PASK: variants seen among roughly 807,000 people sequenced by gnomAD.
PASK encodes the protein PAS domain containing serine/threonine kinase.
Under a neutral mutation model 121.0 loss-of-function variants are expected in PASK, and 110 were observed. That is an observed-to-expected ratio of 0.91 (90% CI 0.78 to 1.06). The LOEUF (loss-of-function observed/expected upper bound fraction) is 1.06, where lower values mean the gene tolerates loss of function less well. Among genes scored for constraint, PASK ranks in the 50% least tolerant of loss-of-function variants. PASK has a pLI of 0.00. For synonymous variants in PASK, 686 were observed against 717.8 expected (o/e 0.96, Z 0.71); for missense variants, 1,643 against 1,702.3 (o/e 0.97, Z 0.61).
chr2:241,122,879 C>A lies in PASK; in HGVS notation c.2925G>T (p.Trp975Cys), dbSNP rs370212818. ...SLVEVLRARP[W>C]FEEPPKAVEL... ...CCACAGCCTTGGGGGGCTCCTCAAA[C>A]CAGGGTCTGGCTCTGAGCACCTGCA... Residue 975 changes from tryptophan (W) to cysteine (C), a missense_variant, in exon 12 of 18, where the codon TGG becomes TGT. Trp to Cys is a radical substitution (Grantham distance 215). Transcript: ENST00000234040. 2 of 1,614,098 alleles carry A rather than the reference C, an allele frequency of 1.2e-6. No individual in the cohort carries two copies. The highest frequency in any genetic ancestry group is 1.7e-5 in the Admixed American group (1 of 60,034).
chr2:241,146,031 T>C (rs563747444), intron 1 of PASK, among the ~76,000 whole-genome samples: 1 of 152,276 alleles, frequency 6.6e-6, no homozygotes, highest in South Asian at 2.1e-4. Context: ...GAGAAGATAT[T>C]TGCCACATAC....
At chr2:241,139,708 C>A in intron 4 of PASK, 177 bp downstream of exon 4, 2 of 719,044 alleles carry the variant, frequency 2.8e-6, no homozygotes, top group Non-Finnish European at 2.6e-6. Flanking sequence ...GGCCCCCACC[C>A]CCACTGCAGC....
upstream of PASK, chr2:241,150,311 G>A (rs967760694): frequency 6.7e-6 from 9 of 1,335,390 alleles, no homozygotes; most frequent in Non-Finnish European, 8.6e-6. Flanking sequence ...CCTGCTCTGG[G>A]GGAGGCGCGG....
At position 241,140,567 on chromosome 2, in the gene PASK, C is replaced by T. The variant is rs2066655593; in HGVS notation, c.383G>A (p.Cys128Tyr). The T allele has an allele frequency of 1.2e-6, 2 of 1,613,960 alleles. No homozygotes were observed. The highest frequency in any genetic ancestry group is 2.2e-5 in the East Asian group (1 of 44,894). The change falls in exon 3 of 18, where the codon TGC becomes TAC. Residue 128 changes from cysteine to tyrosine, a missense_variant. Cys to Tyr is a radical substitution (Grantham distance 194). This residue lies in a region of PASK where 1,176 missense variants were observed against 1,162.2 expected (regional missense o/e 1.01). Coordinates refer to ENST00000234040, the MANE Select transcript of PASK (RefSeq NM_015148.4). ...CGTGAAGATGGCCTTGTTAGGGTTGCACACAGGGGCCGGAAGCAGAGGTGA... is the reference window on the plus strand; with the variant it reads ...CGTGAAGATGGCCTTGTTAGGGTTGTACACAGGGGCCGGAAGCAGAGGTGA... ...WSSPLLPAPV[C>Y]NPNKAIFTVD... is the part of the protein sequence containing the mutation.
chr2:241,124,001 G>A lies in PASK; in HGVS notation c.2852C>T (p.Pro951Leu), dbSNP rs759771883. 3 of 1,613,860 alleles carry A rather than the reference G, an allele frequency of 1.9e-6. No homozygotes were observed. Among genetic ancestry groups the A allele is most frequent in the Non-Finnish European group, 2.5e-6 (3 of 1,180,026 alleles). The change falls in exon 11 of 18, where the codon CCC becomes CTC. Residue 951 changes from proline (P) to leucine (L), a missense_variant. By Grantham distance (98) the Pro-to-Leu change is moderately conservative (BLOSUM62 -3). Coordinates refer to ENST00000234040, the MANE Select transcript of PASK (RefSeq NM_015148.4). Reference sequence around the variant, plus strand: ...AGCAGCGGTAGAGTGGGTGGAGCCGGGCAGGCTGGCAAGGAACAGGCGGGT... The same window carrying A: ...AGCAGCGGTAGAGTGGGTGGAGCCGAGCAGGCTGGCAAGGAACAGGCGGGT... The part of the protein sequence containing the change: ...ARTRLFLASL[P>L]GSTHSTAAEL...
rs1312763356 is a variant in PASK at position 241,122,749 on chromosome 2, T to G, written c.3055A>C (p.Lys1019Gln). 3.1e-6 allele frequency: 5 copies of G among 1,614,008 alleles called. No homozygotes were observed. Among genetic ancestry groups the G allele is most frequent in the African/African-American group, 2.7e-5 (2 of 74,910 alleles). ...CAGGTTACCTCCTTGTTTTTTTCCT[T>G]GTCCACAGCAGTCCACACGAAGCCG... Reference protein sequence around the residue: ...AFGFVWTAVDKEKNKEVVVKF... With the variant: ...AFGFVWTAVDQEKNKEVVVKF... Residue 1019 changes from lysine to glutamine, a missense_variant, in exon 12 of 18, where the codon AAG (lysine) becomes CAG (glutamine). Lys to Gln is a moderately conservative substitution (Grantham distance 53). Coordinates refer to ENST00000234040, the MANE Select transcript of PASK (RefSeq NM_015148.4).
rs564275122 is a variant in PASK, at chr2:241,126,433, C to G, written c.2482G>C (p.Val828Leu). 6.2e-7 allele frequency: 1 copy of G among 1,614,266 alleles called. No individual in the cohort carries two copies. Among genetic ancestry groups the G allele is most frequent in the South Asian group, 1.1e-5 (1 of 91,088 alleles). ...TAATGCTCAGAGGACACCAAACAAA[C>G]CTCAAGCGGTTCTGTTGGATCATGT... ...VGHDPTEPLE[V>L]CLVSSEHYAA... The change falls in exon 10 of 18, where the codon GTT (valine) becomes CTT (leucine). Residue 828 changes from valine (V) to leucine (L), a missense_variant. Coordinates refer to ENST00000234040, the MANE Select transcript of PASK (RefSeq NM_015148.4).
intron 6 of PASK, among the ~76,000 whole-genome samples, chr2:241,137,575 C>T (rs965509652): frequency 6.6e-6 from 1 of 152,162 alleles, no homozygotes; most frequent in Non-Finnish European, 1.5e-5. Context: ...GGCTCAGGCT[C>T]GGGGCTCAGC....
Position 241,122,879 on chromosome 2 carries a change from C to G in PASK, c.2925G>C (p.Trp975Cys), listed in dbSNP as rs370212818. The G allele has an allele frequency of 6.2e-7, 1 of 1,614,098 alleles. No individual in the cohort carries two copies. The highest frequency in any genetic ancestry group is 1.7e-5 in the Admixed American group (1 of 60,034). ...CCACAGCCTTGGGGGGCTCCTCAAA[C>G]CAGGGTCTGGCTCTGAGCACCTGCA... Reference protein sequence around the residue: ...SLVEVLRARPWFEEPPKAVEL... With the variant: ...SLVEVLRARPCFEEPPKAVEL... Residue 975 changes from tryptophan (W) to cysteine (C), a missense_variant, in exon 12 of 18, where the codon TGG (tryptophan) becomes TGC (cysteine). Physicochemically the swap from Trp to Cys is radical, Grantham distance 215 (BLOSUM62 -2). This residue lies in a region of PASK where 453 missense variants were observed against 511.2 expected (regional missense o/e 0.89). Transcript: ENST00000234040.
At chr2:241,139,711 A>G in intron 4 of PASK, 174 bp downstream of exon 4, 1 of 718,192 alleles carries the variant, frequency 1.4e-6, no homozygotes, top group Non-Finnish European at 2.6e-6. Flanking sequence ...CCCCACCCCC[A>G]CTGCAGCTGA....
At chr2:241,141,360 C>T (rs2066690275) in intron 2 of PASK, among the ~76,000 whole-genome samples, 1 of 152,184 alleles carries the variant, frequency 6.6e-6, no homozygotes, top group Non-Finnish European at 1.5e-5. Flanking sequence ...CATTCCAAGA[C>T]CCCATGGCCA....
In PASK at chr2:241,126,788, C is replaced by G. The variant is rs370339239; in HGVS notation, c.2127G>C (p.Thr709=). The G allele has an allele frequency of 1.2e-6, 2 of 1,614,010 alleles. No individual in the cohort carries two copies. Among genetic ancestry groups the G allele is most frequent in the Admixed American group, 3.3e-5 (2 of 60,028 alleles). The change falls in exon 10 of 18, where the codon ACG becomes ACC. Residue 709 remains threonine (T), a synonymous_variant. Coordinates refer to ENST00000234040, the MANE Select transcript of PASK (RefSeq NM_015148.4). The part of the protein sequence containing the change: ...LGGRDLCGGC[T]GSSSACYALA... Reference sequence around the variant, plus strand: ...AGGCATAGCAGGCTGAGGAGCTGCCCGTGCAGCCACCGCACAGGTCTCTGC... The same window carrying G: ...AGGCATAGCAGGCTGAGGAGCTGCCGGTGCAGCCACCGCACAGGTCTCTGC...
At chr2:241,132,338 C>T (rs1385604929) in intron 9 of PASK, among the ~76,000 whole-genome samples, 1 of 151,274 alleles carries the variant, frequency 6.6e-6, no homozygotes, top group Non-Finnish European at 1.5e-5. Context: ...TCCTGGCCAA[C>T]ATGGTGAAAC....
chr2:241,120,259 A>AAGGCGGGTAGATAACCTGAGGTC (rs1170437150), intron 12 of PASK, among the ~76,000 whole-genome samples: 1 of 152,134 alleles, frequency 6.6e-6, no homozygotes, highest in Non-Finnish European at 1.5e-5. Context: ...TTGGGAGGCT[A>AAGGCGGGTAGATAACCTGAGGTC]AGGCGGGTAG....
At chr2:241,113,169 G>A (rs1199088222) in intron 14 of PASK, 3 of 152,322 alleles carry the variant, frequency 2.0e-5, no homozygotes, top group Non-Finnish European at 4.4e-5. Context: ...TGAATTAAAC[G>A]TCTGACTGTC....
intron 4 of PASK, 88 bp downstream of exon 4, chr2:241,139,797 A>T: frequency 7.9e-7 from 1 of 1,270,696 alleles, no homozygotes. Context: ...AACCCCCAGC[A>T]GAGCTCCTGG....
upstream of PASK, chr2:241,149,601 G>C (rs187718988): frequency 6.6e-5 from 99 of 1,510,080 alleles, no homozygotes; most frequent in East Asian, 2.4e-3. Flanking sequence ...GGTTGCTAGG[G>C]ACGCACCAAA....
At position 241,137,067 on chromosome 2, in the gene PASK, G is replaced by A. The variant is rs776006739; in HGVS notation, c.1074C>T (p.His358=). ...LITLLPDGTI[H]GINHSFALTL... is the part of the protein sequence containing the mutation. ...TCAGCGCGAAGCTGTGGTTGATGCC[G>A]TGGATGGTCCCATCCGGCAGGAGGG... Residue 358 remains histidine (H), a synonymous_variant, in exon 7 of 18, where the codon CAC becomes CAT. Coordinates refer to ENST00000234040, the MANE Select transcript of PASK (RefSeq NM_015148.4). 17 of 1,613,336 alleles carry A rather than the reference G, an allele frequency of 1.1e-5. No individual in the cohort carries two copies. The highest frequency in any genetic ancestry group is 5.0e-5 in the Admixed American group (3 of 60,014).
intron 15 of PASK, among the ~76,000 whole-genome samples, chr2:241,110,850 G>C (rs1559354810): frequency 6.6e-6 from 1 of 152,234 alleles, no homozygotes; most frequent in Non-Finnish European, 1.5e-5. Flanking sequence ...AAACTCCACG[G>C]CCCTTCTTAG....
Sources: gnomAD v4.1 joint callset for allele counts (sites outside exome capture counted in the v4.1 genomes callset) on GRCh38, gnomAD v4.1.1 for gene constraint, gnomAD v4.1.1 regional missense constraint, MANE v1.5 for transcripts, NCBI Gene and HGNC (gene_info 2026-07-23, HGNC 2026-07-21) for gene names.